GAS2L3: variants seen among roughly 807,000 people sequenced by gnomAD.
The protein encoded by GAS2L3 is growth arrest specific 2 like 3.
GAS2L3 carries 28 observed loss-of-function variants against 37.0 expected under a neutral mutation model. The ratio of observed to expected loss-of-function variants is 0.76; its 90% CI spans 0.56 to 1.04. GAS2L3 has a LOEUF of 1.04. Ranked by LOEUF, GAS2L3 falls within the 50% of genes least tolerant of loss-of-function variation. The pLI is 0.00. For missense variants in GAS2L3, 793 were observed against 817.6 expected, an observed-to-expected ratio of 0.97 and a Z score of 0.37; for synonymous variants, 290 against 296.6, an observed-to-expected ratio of 0.98 and a Z score of 0.23.
At chr12:100,579,858 G>A (rs1955687577) in intron 1 of GAS2L3, 1 of 744,302 alleles carries the variant, frequency 1.3e-6, no homozygotes, top group East Asian at 2.4e-5. Flanking sequence ...GGCATTGCTG[G>A]CTCCAGAAAA....
At chr12:100,595,132 A>T (rs960789736) in intron 3 of GAS2L3, among the ~76,000 whole-genome samples, 7 of 152,074 alleles carry the variant, frequency 4.6e-5, no homozygotes, top group African/African-American at 1.7e-4. Context: ...TGTAAAATTC[A>T]AAAATACCTT....
intron 1 of GAS2L3, among the ~76,000 whole-genome samples, chr12:100,591,444 A>G (rs1421234027): frequency 2.6e-5 from 4 of 152,180 alleles, no homozygotes; most frequent in African/African-American, 7.2e-5. Flanking sequence ...TGTCCTGCCA[A>G]TTATGATGTG....
chr12:100,618,624 C>A (rs774641419), intron 8 of GAS2L3, 37 bp downstream of exon 8: 6 of 1,568,750 alleles, frequency 3.8e-6, no homozygotes, highest in Non-Finnish European at 5.2e-6. Context: ...ACCATGATAC[C>A]TTGAAGTCTC....
chr12:100,581,254 C>T (rs1023609798), intron 1 of GAS2L3, among the ~76,000 whole-genome samples: 2 of 152,166 alleles, frequency 1.3e-5, no homozygotes, highest in African/African-American at 4.8e-5. Flanking sequence ...GGCTTTATTT[C>T]AGAATGTTTT....
chr12:100,595,123 G>A (rs1201646848), intron 3 of GAS2L3, among the ~76,000 whole-genome samples: 1 of 151,676 alleles, frequency 6.6e-6, no homozygotes, highest in East Asian at 1.9e-4. Context: ...CTGAATATTT[G>A]TAAAATTCAA....
intron 2 of GAS2L3, 144 bp from the exon 3 acceptor site, chr12:100,594,731 T>C: frequency 2.8e-6 from 1 of 363,072 alleles, no homozygotes; most frequent in Non-Finnish European, 5.2e-6. Flanking sequence ...TGAATTTTCT[T>C]ATACTCAGAC....
At chr12:100,612,228 G>T (rs1956136529) in intron 6 of GAS2L3, 87 bp downstream of exon 6, 4 of 1,040,050 alleles carry the variant, frequency 3.8e-6, no homozygotes, top group South Asian at 2.8e-5. Context: ...TCCAAATAAG[G>T]ACTCAAATGC....
intron 1 of GAS2L3, among the ~76,000 whole-genome samples, chr12:100,590,803 CTAT>C (rs1010553873): frequency 1.3e-5 from 2 of 152,126 alleles, no homozygotes; most frequent in African/African-American, 4.8e-5. Flanking sequence ...AGATTGAAGA[CTAT>C]TATTCTAAGT....
chr12:100,612,948 A>G (rs1458124489), intron 6 of GAS2L3, among the ~76,000 whole-genome samples: 1 of 152,160 alleles, frequency 6.6e-6, no homozygotes, highest in African/African-American at 2.4e-5. Flanking sequence ...CTGACAGTAC[A>G]CACCCTTATT....
intron 1 of GAS2L3, among the ~76,000 whole-genome samples, chr12:100,586,726 G>C (rs964940259): frequency 6.6e-6 from 1 of 152,018 alleles, no homozygotes; most frequent in Non-Finnish European, 1.5e-5. Flanking sequence ...AAATAACCAA[G>C]ATCGTAGCAG....
At chr12:100,587,179 A>G (rs1215586498) in intron 1 of GAS2L3, among the ~76,000 whole-genome samples, 1 of 152,200 alleles carries the variant, frequency 6.6e-6, no homozygotes, top group Admixed American at 6.5e-5. Flanking sequence ...TCCTTTTGAC[A>G]CAATTCCACA....
intron 3 of GAS2L3, among the ~76,000 whole-genome samples, chr12:100,598,233 C>A (rs1955939401): frequency 6.6e-6 from 1 of 152,124 alleles, no homozygotes; most frequent in South Asian, 2.1e-4. Context: ...CAATAATAAC[C>A]AGCTCAGAAT....
chr12:100,589,992 A>T (rs917551777), intron 1 of GAS2L3, among the ~76,000 whole-genome samples: 4 of 152,232 alleles, frequency 2.6e-5, no homozygotes, highest in African/African-American at 9.6e-5. Flanking sequence ...TCTTCTAGAC[A>T]TGGGCTTAGG....
rs1031421663 is a variant in GAS2L3 at position 100,579,985 on chromosome 12, G to C, written c.-152+6200G>C. On this transcript the variant is annotated intron_variant, in intron 1 of 9. Coordinates refer to ENST00000547754, the MANE Select transcript of GAS2L3 (RefSeq NM_174942.3). ...TTGCCAATGGACAAACAACTGGACA[G>C]ACTTATTTCTCACAGTGGACCAGTA... is the stretch of plus-strand genomic sequence containing the variant. The C allele has an allele frequency of 6.3e-6, 6 of 945,870 alleles. No individual in the cohort carries two copies. The African/African-American group carries it at 6.5e-5, about 10-fold the overall frequency. 58.6% of individuals were successfully genotyped at this position (945,870 alleles called of 1,614,324 possible). A position where few individuals can be genotyped will look rare whatever the true frequency, so the allele number is the denominator to read the frequency against.
At chr12:100,608,307 CACT>C (rs1255016685) in intron 5 of GAS2L3, among the ~76,000 whole-genome samples, 3 of 152,150 alleles carry the variant, frequency 2.0e-5, no homozygotes, top group Non-Finnish European at 4.4e-5. Flanking sequence ...TGGCCACCAC[CACT>C]GAGACTGCAC....
intron 6 of GAS2L3, among the ~76,000 whole-genome samples, chr12:100,613,386 T>G (rs1371566471): frequency 6.6e-6 from 1 of 152,148 alleles, no homozygotes. Flanking sequence ...TGCTAGCAAC[T>G]CAAAGCTATT....
chr12:100,615,618 T>C (rs1198986076), intron 6 of GAS2L3, among the ~76,000 whole-genome samples: 1 of 152,210 alleles, frequency 6.6e-6, no homozygotes, highest in Non-Finnish European at 1.5e-5. Context: ...TGTTACAGTT[T>C]GTGCCTCTTA....
chr12:100,615,242 G>A (rs1415172056), intron 6 of GAS2L3, among the ~76,000 whole-genome samples: 2 of 152,012 alleles, frequency 1.3e-5, no homozygotes, highest in African/African-American at 2.4e-5. Flanking sequence ...TTTGATTCGC[G>A]TTTCCCTAAG....
At chr12:100,577,585 C>T (rs1209093066) in intron 1 of GAS2L3, among the ~76,000 whole-genome samples, 2 of 152,100 alleles carry the variant, frequency 1.3e-5, no homozygotes, top group Non-Finnish European at 2.9e-5. Context: ...AAATCTTTAT[C>T]TGTAATAGAA....
Sources: allele counts gnomAD v4.1 joint callset (sites outside exome capture counted in the v4.1 genomes callset), GRCh38; gene constraint gnomAD v4.1.1; transcripts MANE v1.5; gene names NCBI Gene and HGNC (gene_info 2026-07-23, HGNC 2026-07-21).